The following CTSE variants were observed in gnomAD, a reference collection of about 807,000 sequenced individuals.
CTSE encodes the protein erythrocyte membrane aspartic proteinase.
CTSE carries 43 observed loss-of-function variants against 42.8 expected under a neutral mutation model. That is an observed-to-expected ratio of 1.01 (90% CI 0.79 to 1.30). CTSE has a LOEUF of 1.30. CTSE is among the 50% of genes most tolerant of loss of function. CTSE has a pLI of 0.00. For synonymous variants in CTSE, 205 were observed against 191.5 expected (o/e 1.07, Z -0.58); for missense variants, 532 against 493.5 (o/e 1.08, Z -0.74).
In CTSE at chr1:206,012,652, G is replaced by A. The variant is rs782238334; in HGVS notation, c.786-3C>T. 44 of 1,613,478 alleles carry A rather than the reference G, an allele frequency of 2.7e-5. No homozygotes were observed. Among genetic ancestry groups the A allele is most frequent in the Non-Finnish European group, 3.6e-5 (42 of 1,179,656 alleles). ...TAACAGTGCCTCCCACCTGGATGCT[G>A]AGGGGACAGGGTTGTGGTCGGCCCA... is the stretch of plus-strand genomic sequence containing the variant. On this transcript the variant is annotated splice_region_variant and splice_polypyrimidine_tract_variant and intron_variant, in intron 6 of 8. Coordinates refer to ENST00000358184, the MANE Select transcript of CTSE (RefSeq NM_001910.4).
intron 3 of CTSE, 112 bp from the exon 4 acceptor site, chr1:206,021,279 T>C: frequency 7.3e-6 from 6 of 817,132 alleles, no homozygotes; most frequent in Middle Eastern, 3.0e-4. Context: ...CTCTCAACAC[T>C]GAGTGGGGGC....
rs782463060 is a variant in CTSE at position 206,021,058 on chromosome 1, G to A, written c.453C>T (p.Asp151=). The part of the protein sequence containing the change: ...TGSLSGIIGA[D]QVSVEGLTVV... ...AAGGACTTGCACTCACAGAGACTTGGTCGGCTCCAATGATCCCGGACAAGC... is the reference window on the plus strand; with the variant it reads ...AAGGACTTGCACTCACAGAGACTTGATCGGCTCCAATGATCCCGGACAAGC... Residue 151 remains aspartate, a synonymous_variant, in exon 4 of 9, where the codon GAC becomes GAT. Transcript: ENST00000358184. 2.5e-6 allele frequency: 4 copies of A among 1,607,826 alleles called. No homozygotes were observed. Among genetic ancestry groups the A allele is most frequent in the East Asian group, 2.2e-5 (1 of 44,872 alleles).
chr1:206,020,385 C>T (rs1553278198), intron 4 of CTSE, among the ~76,000 whole-genome samples: 2 of 151,880 alleles, frequency 1.3e-5, no homozygotes, highest in African/African-American at 4.8e-5. Context: ...TCGGGAATAC[C>T]CCAGGGACCA....
chr1:206,020,218 GCATA>G (rs1334646847), intron 4 of CTSE, among the ~76,000 whole-genome samples: 18 of 149,658 alleles, frequency 1.2e-4, no homozygotes, highest in African/African-American at 4.4e-4. Flanking sequence ...GTATACACAC[GCATA>G]CATAGTTCCA....
At chr1:206,012,135 G>A (rs536964898) in intron 8 of CTSE, among the ~76,000 whole-genome samples, 173 bp downstream of exon 8, 10 of 152,212 alleles carry the variant, frequency 6.6e-5, no homozygotes, top group African/African-American at 2.4e-4. Context: ...AAGCCCCGTG[G>A]TCTTTCCACC....
At chr1:206,023,249 A>G (rs1303487503) in intron 1 of CTSE, among the ~76,000 whole-genome samples, 192 bp from the exon 2 acceptor site, 2 of 151,844 alleles carry the variant, frequency 1.3e-5, no homozygotes, top group African/African-American at 2.4e-5. Flanking sequence ...TCTCTGCCCT[A>G]TAGAGTCTTA....
chr1:206,012,479 A>C (rs1553277142), intron 7 of CTSE, 29 bp downstream of exon 7: 1 of 1,613,896 alleles, frequency 6.2e-7, no homozygotes, highest in Non-Finnish European at 8.5e-7. Context: ...TCCTGTCCCC[A>C]CCACTCCCTT....
At chr1:206,012,245 A>AG (rs1243147060) in intron 8 of CTSE, 63 bp downstream of exon 8, 29 of 1,357,074 alleles carry the variant, frequency 2.1e-5, no homozygotes, top group Admixed American at 2.0e-4. Flanking sequence ...GCGATTGAAA[A>AG]GGGGAAGTGG....
In CTSE at chr1:206,010,248, G is replaced by A. The variant is rs572870573; in HGVS notation, c.1126C>T (p.Arg376Ter). 3.3e-5 allele frequency: 53 copies of A among 1,613,724 alleles called. 2 individuals are homozygous for A. In the South Asian group the frequency reaches 3.5e-4, roughly 11 times the overall value. The stretch of plus-strand genomic sequence containing the variant: ...CGGTCAAAGACTGAGTAAAACTGTC[G>A]AATGAAGACATCCCCCAGGATCCAG... ...PLWILGDVFIRQFYSVFDRGN... is the reference protein window; with the variant it reads ...PLWILGDVFI Residue 376 changes from arginine to a stop codon, truncating the protein, a stop_gained, in exon 9 of 9, where the codon CGA becomes TGA. Transcript: ENST00000358184. LOFTEE classifies it high-confidence loss of function.
chr1:206,015,324 A>G (rs191843603), intron 5 of CTSE, among the ~76,000 whole-genome samples: 1 of 152,106 alleles, frequency 6.6e-6, no homozygotes, highest in African/African-American at 2.4e-5. Flanking sequence ...GGCAACTGGC[A>G]GTCTACTTTC....
intron 1 of CTSE, 74 bp from the exon 2 acceptor site, chr1:206,023,131 T>C: frequency 9.2e-6 from 7 of 762,960 alleles, no homozygotes; most frequent in Non-Finnish European, 1.2e-5. Flanking sequence ...TCCCATTTTC[T>C]CAGGGGCCAA....
At chr1:206,023,146 A>C (rs1398391437) in intron 1 of CTSE, 89 bp from the exon 2 acceptor site, 3 of 548,502 alleles carry the variant, frequency 5.5e-6, no homozygotes, top group Non-Finnish European at 9.9e-6. Flanking sequence ...GGCCAACTAG[A>C]GAAGATGGGG....
intron 5 of CTSE, 200 bp from the exon 6 acceptor site, chr1:206,014,094 T>C (rs781881887): frequency 5.1e-5 from 30 of 592,424 alleles, no homozygotes; most frequent in Non-Finnish European, 8.1e-5. Context: ...TAGAAACAAC[T>C]CCCCTTGACC....
intron 6 of CTSE, 46 bp from the exon 7 acceptor site, chr1:206,012,695 C>T: frequency 6.3e-7 from 1 of 1,597,756 alleles, no homozygotes; most frequent in Non-Finnish European, 8.6e-7. Context: ...TCCCCCGGCT[C>T]CTAGGAAACT....
At chr1:206,012,037 A>G (rs1262192147) in intron 8 of CTSE, among the ~76,000 whole-genome samples, 2 of 152,134 alleles carry the variant, frequency 1.3e-5, no homozygotes, top group Non-Finnish European at 2.9e-5. Flanking sequence ...TGTCAGTGGA[A>G]AAGCCCTACA....
Position 206,010,347 on chromosome 1 carries a change from C to T in CTSE, c.1027G>A (p.Asp343Asn), listed in dbSNP as rs782291789. ...CAGAACTGCATTCCATCCACGAAGT[C>T]CTGTGGGTTGGAAAGAAGGATGCAA... ...TLSPTAYTLL[D>N]FVDGMQFCSS... The change falls in exon 9 of 9, where the codon GAC becomes AAC. Residue 343 changes from aspartate (D) to asparagine (N), a missense_variant and splice_region_variant. Coordinates refer to ENST00000358184, the MANE Select transcript of CTSE (RefSeq NM_001910.4). The T allele has an allele frequency of 2.4e-5, 39 of 1,612,432 alleles. No homozygotes were observed. Among genetic ancestry groups the T allele is most frequent in the Non-Finnish European group, 3.0e-5 (35 of 1,178,904 alleles).
chr1:206,020,204 G>A (rs782617806), intron 4 of CTSE, among the ~76,000 whole-genome samples: 7 of 148,764 alleles, frequency 4.7e-5, no homozygotes, highest in Non-Finnish European at 8.9e-5. Context: ...TATATGTAAT[G>A]TGTGTATACA....
At chr1:206,017,575 C>T (rs1571816250) in intron 4 of CTSE, among the ~76,000 whole-genome samples, 1 of 152,110 alleles carries the variant, frequency 6.6e-6, no homozygotes, top group East Asian at 1.9e-4. Context: ...CTGCAACCTC[C>T]ACCTCCTGGG....
intron 8 of CTSE, among the ~76,000 whole-genome samples, chr1:206,010,919 G>A (rs180895263): frequency 2.8e-3 from 429 of 152,172 alleles, no homozygotes; most frequent in Middle Eastern, 0.01. Context: ...TGGCAAAGAC[G>A]TGCTCTACCA....
Sources: allele counts gnomAD v4.1 joint callset (sites outside exome capture counted in the v4.1 genomes callset), GRCh38; gene constraint gnomAD v4.1.1; transcripts MANE v1.5; gene names NCBI Gene and HGNC (gene_info 2026-07-23, HGNC 2026-07-21).